Variants in LRRC31 observed in about 807,000 individuals in gnomAD.
LRRC31 encodes the protein leucine rich repeat containing 31, also known as leucine-rich repeat-containing protein 31.
In LRRC31, 35 loss-of-function variants were observed where a neutral mutation model predicts 46.7. The observed-to-expected ratio is 0.75, with a 90% CI of 0.57 to 0.99. The LOEUF (loss-of-function observed/expected upper bound fraction) is 0.99, where lower values mean the gene tolerates loss of function less well. LRRC31 is among the 50% of genes least tolerant of loss of function. The probability of loss-of-function intolerance (pLI) is 0.00; values close to 1 mark genes in which losing one functional copy is unlikely to be tolerated. For missense variants in LRRC31, 613 were observed against 626.1 expected, an observed-to-expected ratio of 0.98 and a Z score of 0.22; for synonymous variants, 236 against 235.1, an observed-to-expected ratio of 1.00 and a Z score of -0.03.
At chr3:169,867,320 C>T (rs1317024353) in intron 1 of LRRC31, among the ~76,000 whole-genome samples, 1 of 140,422 alleles carries the variant, frequency 7.1e-6, no homozygotes, top group Non-Finnish European at 1.5e-5. Context: ...CGCAGTGGTG[C>T]AATCTTGGCT....
chr3:169,848,144 C>T lies in LRRC31; in HGVS notation c.1303G>A (p.Val435Met), dbSNP rs375353917. ...QVLRLSSCSL[V>M]TEDVALLASV... ...CCCAGGAGAGCCACATCCTCTGTCA[C>T]CAGGGAACAGCTGCTCAGCCTCAGC... The change falls in exon 8 of 9, where the codon GTG becomes ATG. Residue 435 changes from valine (V) to methionine (M), a missense_variant. Coordinates refer to ENST00000316428, the MANE Select transcript of LRRC31 (RefSeq NM_024727.4). 5.0e-6 allele frequency: 8 copies of T among 1,613,804 alleles called. No homozygotes were observed. In the African/African-American group the frequency reaches 5.3e-5, roughly 11 times the overall value.
intron 8 of LRRC31, among the ~76,000 whole-genome samples, chr3:169,843,540 G>A (rs78262425): frequency 0.015 from 2,345 of 152,186 alleles, 64 homozygotes; most frequent in African/African-American, 0.054. Flanking sequence ...TATTCATTTG[G>A]GTGATGGTTA....
chr3:169,851,473 G>T, intron 7 of LRRC31, 146 bp downstream of exon 7: 1 of 694,870 alleles, frequency 1.4e-6, no homozygotes, highest in Non-Finnish European at 2.3e-6. Flanking sequence ...CTTTCAGAAG[G>T]TCACTTTTAA....
intron 8 of LRRC31, among the ~76,000 whole-genome samples, chr3:169,846,173 T>G (rs1780598582): frequency 6.6e-6 from 1 of 152,250 alleles, no homozygotes; most frequent in South Asian, 2.1e-4. Context: ...CCCCATCTTC[T>G]AATTACAATC....
At position 169,853,453 on chromosome 3, in the gene LRRC31, C is replaced by A. The variant is rs1478181271; in HGVS notation, c.991+1360G>T. The A allele has an allele frequency of 6.1e-6, 6 of 985,378 alleles. No individual in the cohort carries two copies. In the East Asian group the frequency reaches 5.7e-4, roughly 93 times the overall value. 61.0% of individuals were successfully genotyped at this position (985,378 alleles called of 1,614,324 possible). ...TGGCTGTGAACCTAGGTAAGGAAAGCTTAGTCCTCCGTTATACTAGTGGGA... is the reference window on the plus strand; with the variant it reads ...TGGCTGTGAACCTAGGTAAGGAAAGATTAGTCCTCCGTTATACTAGTGGGA... On this transcript the variant is annotated intron_variant, in intron 6 of 8. Coordinates refer to ENST00000316428, the MANE Select transcript of LRRC31 (RefSeq NM_024727.4).
chr3:169,861,844 G>GT (rs1394535287), intron 1 of LRRC31, 31 bp from the exon 2 acceptor site: 1 of 1,605,178 alleles, frequency 6.2e-7, no homozygotes, highest in South Asian at 1.1e-5. Context: ...AGAATTTGCT[G>GT]TTAATGATGG....
Position 169,861,387 on chromosome 3 carries a change from A to AG in LRRC31, c.319+282_319+283insC, listed in dbSNP as rs1393142517. On this transcript the variant is annotated intron_variant, in intron 2 of 8. Transcript: ENST00000316428. ...TGGCCTTTTTCTTAAAAAAAAAAGA[A>AG]AAAAGAAAAAAGAAAAAACCTACTC... Among the ~76,000 whole-genome samples the AG allele has an allele frequency of 2.7e-5, 4 of 149,880 alleles. No individual in the cohort carries two copies. The South Asian group carries it at 6.3e-4, about 23-fold the overall frequency.
intron 3 of LRRC31, 70 bp downstream of exon 3, chr3:169,860,491 G>A: frequency 6.6e-7 from 1 of 1,517,380 alleles, no homozygotes; most frequent in Non-Finnish European, 9.1e-7. Flanking sequence ...GCCTCCCAAA[G>A]TGTTAGGATT....
At position 169,858,803 on chromosome 3, in the gene LRRC31, A is replaced by G. The variant is rs147821329; in HGVS notation, c.487+1758T>C. Among the ~76,000 whole-genome samples, 232 of 152,282 alleles carry G rather than the reference A, an allele frequency of 1.5e-3. 1 individual carries two copies. Among genetic ancestry groups the G allele is most frequent in the African/African-American group, 5.3e-3 (221 of 41,562 alleles). On this transcript the variant is annotated intron_variant, in intron 3 of 8. Coordinates refer to ENST00000316428, the MANE Select transcript of LRRC31 (RefSeq NM_024727.4). The stretch of plus-strand genomic sequence containing the variant: ...CAGATCACTTGAAGTCAGGAGTTCA[A>G]AACCAGCCTGGCCAGCATGGTGAAA...
At chr3:169,856,629 G>A (rs1780951589) in intron 4 of LRRC31, 76 bp downstream of exon 4, 3 of 1,458,850 alleles carry the variant, frequency 2.1e-6, no homozygotes, top group East Asian at 4.9e-5. Context: ...TTCAGAATAA[G>A]ACAAAACACA....
Position 169,839,822 on chromosome 3 carries a change from CATATATATATGTA to C in LRRC31, c.*147_*159del, listed in dbSNP as rs1430552347. 6.4e-5 allele frequency: 14 copies of C among 219,376 alleles called. No homozygotes were observed. Among genetic ancestry groups the C allele is most frequent in the African/African-American group, 2.6e-4 (11 of 42,098 alleles). 13.6% of individuals were successfully genotyped at this position (219,376 alleles called of 1,614,324 possible). A position where few individuals can be genotyped will look rare whatever the true frequency, so the allele number is the denominator to read the frequency against. ...TATATATGTGTATATATGTATATTA[CATATATATATGTA>C]ATATATATATATATTTACAAAGCTC... is the stretch of plus-strand genomic sequence containing the variant. On this transcript the variant is annotated 3_prime_UTR_variant, in exon 9 of 9. Transcript: ENST00000316428.
chr3:169,858,147 T>C (rs2108219117), intron 3 of LRRC31, among the ~76,000 whole-genome samples: 1 of 152,276 alleles, frequency 6.6e-6, no homozygotes, highest in South Asian at 2.1e-4. Flanking sequence ...CCCATCTGCA[T>C]TAAGGTTGAG....
At chr3:169,855,512 G>C (rs1203394844) in intron 5 of LRRC31, among the ~76,000 whole-genome samples, 6 of 152,176 alleles carry the variant, frequency 3.9e-5, no homozygotes, top group Non-Finnish European at 5.9e-5. Context: ...TATTACACTT[G>C]AGCATTGGAG....
At chr3:169,863,423 T>C (rs1179433156) in intron 1 of LRRC31, among the ~76,000 whole-genome samples, 1 of 152,210 alleles carries the variant, frequency 6.6e-6, no homozygotes, top group Non-Finnish European at 1.5e-5. Flanking sequence ...CATTGGTACC[T>C]GTGAAAATTA....
intron 8 of LRRC31, among the ~76,000 whole-genome samples, chr3:169,844,136 C>G (rs1266817662): frequency 6.6e-6 from 1 of 152,064 alleles, no homozygotes; most frequent in Non-Finnish European, 1.5e-5. Context: ...CATAACAAAG[C>G]CAGACAAAGA....
In LRRC31 at chr3:169,861,555, T is replaced by C. The variant is rs1781160617; in HGVS notation, c.319+115A>G. ...AAAAGCGATGCTGTTTCTGCAATTG[T>C]CTGGGACCACTCAGCAGACTTGGGG... On this transcript the variant is annotated intron_variant, in intron 2 of 8. Transcript: ENST00000316428. The C allele has an allele frequency of 1.3e-5, 14 of 1,072,402 alleles. No homozygotes were observed. In the South Asian group the frequency reaches 2.0e-4, roughly 15 times the overall value. The allele number at this position is 1,072,402 out of a possible 1,614,324, so 66.4% of individuals were successfully genotyped here. A position where few individuals can be genotyped will look rare whatever the true frequency, so the allele number is the denominator to read the frequency against.
At chr3:169,846,421 G>A (rs893086995) in intron 8 of LRRC31, among the ~76,000 whole-genome samples, 9 of 152,248 alleles carry the variant, frequency 5.9e-5, no homozygotes, top group African/African-American at 1.7e-4. Flanking sequence ...AAGCCTAGGC[G>A]GGTGGATCAC....
intron 1 of LRRC31, among the ~76,000 whole-genome samples, chr3:169,864,622 G>A (rs1414438393): frequency 6.6e-6 from 1 of 152,134 alleles, no homozygotes; most frequent in African/African-American, 2.4e-5. Flanking sequence ...TGTTAAATGA[G>A]CAAACAATTG....
chr3:169,856,922 G>A, intron 3 of LRRC31, 50 bp from the exon 4 acceptor site: 1 of 1,537,724 alleles, frequency 6.5e-7, no homozygotes, highest in Non-Finnish European at 8.8e-7. Flanking sequence ...CAGAAAAGCA[G>A]GGAATTCATT....
Sources: allele counts gnomAD v4.1 joint callset (sites outside exome capture counted in the v4.1 genomes callset), GRCh38; gene constraint gnomAD v4.1.1; transcripts MANE v1.5; gene names NCBI Gene and HGNC (gene_info 2026-07-23, HGNC 2026-07-21).